Variants in MAPK6 observed in about 807,000 individuals in gnomAD.
MAPK6 encodes the protein mitogen-activated protein kinase 6.
MAPK6 carries 19 observed loss-of-function variants against 59.3 expected under a neutral mutation model. The observed-to-expected ratio is 0.32, with a 90% CI of 0.22 to 0.47. The LOEUF (loss-of-function observed/expected upper bound fraction) is 0.47, where lower values mean the gene tolerates loss of function less well. Ranked by LOEUF, MAPK6 falls within the 20% of genes least tolerant of loss-of-function variation. The probability of loss-of-function intolerance (pLI) is 1.00; values close to 1 mark genes in which losing one functional copy is unlikely to be tolerated. For synonymous variants in MAPK6, 316 were observed against 290.3 expected, an observed-to-expected ratio of 1.09 and a Z score of -0.90; for missense variants, 724 against 847.9, an observed-to-expected ratio of 0.85 and a Z score of 1.81.
chr15:52,058,862 A>G, intron 4 of MAPK6, 65 bp downstream of exon 4: 1 of 1,382,506 alleles, frequency 7.2e-7, no homozygotes, highest in Non-Finnish European at 9.7e-7. Context: ...TGTGTAGGGA[A>G]GCTGGAGCTT....
intron 3 of MAPK6, among the ~76,000 whole-genome samples, chr15:52,055,724 C>G (rs370224725): frequency 6.6e-6 from 1 of 152,146 alleles, no homozygotes. Flanking sequence ...CCATATTGGT[C>G]AGGTTGGTGT....
intron 1 of MAPK6, among the ~76,000 whole-genome samples, chr15:52,038,411 A>G (rs1488850637): frequency 6.6e-6 from 1 of 152,210 alleles, no homozygotes; most frequent in Admixed American, 6.5e-5. Flanking sequence ...AAATGTGAGA[A>G]GTGAATGGTG....
At chr15:52,036,111 T>G (rs2141885729) in intron 1 of MAPK6, among the ~76,000 whole-genome samples, 1 of 152,180 alleles carries the variant, frequency 6.6e-6, no homozygotes, top group South Asian at 2.1e-4. Flanking sequence ...GGTGTGCGCC[T>G]GTACTCCTAA....
chr15:52,028,819 C>A (rs577548434), intron 1 of MAPK6, among the ~76,000 whole-genome samples: 6 of 152,202 alleles, frequency 3.9e-5, no homozygotes, highest in Non-Finnish European at 7.3e-5. Flanking sequence ...GCTCTCTCCA[C>A]TTCCCTTTGC....
At chr15:52,036,373 A>G (rs1016141479) in intron 1 of MAPK6, among the ~76,000 whole-genome samples, 1 of 152,118 alleles carries the variant, frequency 6.6e-6, no homozygotes, top group Non-Finnish European at 1.5e-5. Context: ...AGACTGGGTA[A>G]TTTATAAAGA....
chr15:51,998,389 G>C (rs1174274448), intron 2 of MAPK6, among the ~76,000 whole-genome samples: 1 of 151,678 alleles, frequency 6.6e-6, no homozygotes, highest in Non-Finnish European at 1.5e-5. Flanking sequence ...ATTTTTAGTA[G>C]AGACGGATTT....
At chr15:52,026,036 A>G (rs2030760748) in intron 1 of MAPK6, among the ~76,000 whole-genome samples, 1 of 152,242 alleles carries the variant, frequency 6.6e-6, no homozygotes, top group South Asian at 2.1e-4. Context: ...TCTGTGTTCA[A>G]TAAAGTAGAT....
At chr15:51,992,291 C>CTATCTA (rs201111358) in intron 2 of MAPK6, among the ~76,000 whole-genome samples, 42 of 108,378 alleles carry the variant, frequency 3.9e-4, no homozygotes, top group African/African-American at 1.3e-3. Context: ...ATCTATCTAT[C>CTATCTA]TATATATATA....
chr15:52,008,160 C>G (rs74909333), intron 3 of MAPK6, among the ~76,000 whole-genome samples: 3,528 of 152,160 alleles, frequency 0.023, 97 homozygotes, highest in East Asian at 0.078. Context: ...ATTTCACTTC[C>G]TGATGCACAC....
At chr15:52,024,216 A>G (rs2030660941) in intron 1 of MAPK6, among the ~76,000 whole-genome samples, 2 of 152,078 alleles carry the variant, frequency 1.3e-5, no homozygotes, top group Admixed American at 6.6e-5. Flanking sequence ...TGCTTCATTC[A>G]TGTACATCGT....
intron 3 of MAPK6, among the ~76,000 whole-genome samples, chr15:52,050,929 G>C (rs189424004): frequency 6.6e-6 from 1 of 152,338 alleles, no homozygotes; most frequent in Admixed American, 6.5e-5. Context: ...TATTTAGAAA[G>C]TAGGCAGAGG....
chr15:52,028,114 G>A (rs931092415), intron 1 of MAPK6, among the ~76,000 whole-genome samples: 5 of 151,858 alleles, frequency 3.3e-5, no homozygotes, highest in Non-Finnish European at 7.4e-5. Flanking sequence ...CACCACGCCC[G>A]GCTAATTTTT....
upstream of MAPK6, chr15:52,018,788 GA>G (rs2030356211): frequency 6.6e-6 from 1 of 152,420 alleles, no homozygotes; most frequent in African/African-American, 2.4e-5. Context: ...CTGGCAGAAT[GA>G]ATGACCTTAG....
chr15:51,971,975 CG>C (rs759919952), intron 1 of MAPK6, among the ~76,000 whole-genome samples: 4 of 144,460 alleles, frequency 2.8e-5, no homozygotes, highest in African/African-American at 1.0e-4. Context: ...TACCAGGGGG[CG>C]GGGGGGTCCT....
Position 52,067,063 on chromosome 15 carries a change from C to G in MAPK6, c.*2063C>G, listed in dbSNP as rs1023772401. On this transcript the variant is annotated 3_prime_UTR_variant, in exon 6 of 6. Coordinates refer to ENST00000261845, the MANE Select transcript of MAPK6 (RefSeq NM_002748.4). Reference sequence around the variant, plus strand: ...TCCATTATAACCAATTTTTTGCAAACGTATGTTGATTTTGAGAATAATTAG... The same window carrying G: ...TCCATTATAACCAATTTTTTGCAAAGGTATGTTGATTTTGAGAATAATTAG... The G allele has an allele frequency of 1.3e-5, 2 of 152,042 alleles. No homozygotes were observed. The highest frequency in any genetic ancestry group is 4.8e-5 in the African/African-American group (2 of 41,386). The allele number at this position is 152,042 out of a possible 1,614,324, so 9.4% of individuals were successfully genotyped here.
intron 2 of MAPK6, among the ~76,000 whole-genome samples, chr15:51,996,727 C>A (rs1451264849): frequency 6.6e-6 from 1 of 151,994 alleles, no homozygotes; most frequent in Non-Finnish European, 1.5e-5. Flanking sequence ...AAGTGTCATT[C>A]TATTTCCCAG....
In MAPK6 at chr15:52,064,237, A is replaced by G. The variant is rs750222974; in HGVS notation, c.1403A>G (p.Tyr468Cys). ...AGAGAGAGTGAAGTTAACCATTACTATGAACCCAAGCTTATTATAGATCTT... is the reference window on the plus strand; with the variant it reads ...AGAGAGAGTGAAGTTAACCATTACTGTGAACCCAAGCTTATTATAGATCTT... The part of the protein sequence containing the change: ...VWRESEVNHY[Y>C]EPKLIIDLSN... The change falls in exon 6 of 6, where the codon TAT (tyrosine) becomes TGT (cysteine). Residue 468 changes from tyrosine (Y) to cysteine (C), a missense_variant. Coordinates refer to ENST00000261845, the MANE Select transcript of MAPK6 (RefSeq NM_002748.4). 1.6e-5 allele frequency: 25 copies of G among 1,611,486 alleles called. 1 individual carries two copies. The highest frequency in any genetic ancestry group is 1.5e-4 in the South Asian group (14 of 90,912).
chr15:52,066,307 A>G lies in MAPK6; in HGVS notation c.*1307A>G, dbSNP rs2032420720. The G allele has an allele frequency of 6.6e-6, 1 of 152,210 alleles. No individual in the cohort carries two copies. Among genetic ancestry groups the G allele is most frequent in the South Asian group, 2.1e-4 (1 of 4,832 alleles). 9.4% of individuals were successfully genotyped at this position (152,210 alleles called of 1,614,324 possible). A position where few individuals can be genotyped will look rare whatever the true frequency, so the allele number is the denominator to read the frequency against. ...TGGGTTAATGAAAATTTTCTGCTAGAATGAAAATTACTACCAGAATCACTT... is the reference window on the plus strand; with the variant it reads ...TGGGTTAATGAAAATTTTCTGCTAGGATGAAAATTACTACCAGAATCACTT... On this transcript the variant is annotated 3_prime_UTR_variant, in exon 6 of 6. Transcript: ENST00000261845.
At chr15:52,006,482 C>G (rs1249435521) in intron 3 of MAPK6, among the ~76,000 whole-genome samples, 1 of 152,128 alleles carries the variant, frequency 6.6e-6, no homozygotes, top group African/African-American at 2.4e-5. Context: ...TTTGAGAAAC[C>G]ACTACATTCA....
Sources: allele counts gnomAD v4.1 joint callset (sites outside exome capture counted in the v4.1 genomes callset), GRCh38; gene constraint gnomAD v4.1.1; transcripts MANE v1.5; gene names NCBI Gene and HGNC (gene_info 2026-07-23, HGNC 2026-07-21).